Variants in LEUTX observed in about 807,000 individuals in gnomAD.
The protein encoded by LEUTX is leucine twenty homeobox.
LEUTX carries 5 observed loss-of-function variants against 4.5 expected under a neutral mutation model. The ratio of observed to expected loss-of-function variants is 1.11; its 90% CI spans 0.58 to 2.34. LEUTX has a LOEUF of 2.34. Ranked by LOEUF, LEUTX falls within the 30% of genes most tolerant of loss-of-function variation. The pLI, the probability that LEUTX is intolerant of heterozygous loss-of-function variation, is 0.01. For missense variants in LEUTX, 233 were observed against 239.4 expected, an observed-to-expected ratio of 0.97 and a Z score of 0.18; for synonymous variants, 89 against 85.1, an observed-to-expected ratio of 1.05 and a Z score of -0.25.
intron 2 of LEUTX, among the ~76,000 whole-genome samples, chr19:39,785,119 C>G (rs1967946061): frequency 6.6e-6 from 1 of 152,160 alleles, no homozygotes; most frequent in Admixed American, 6.5e-5. Flanking sequence ...AAGCTAAACT[C>G]TCACCCCATA....
intron 2 of LEUTX, 94 bp from the exon 3 acceptor site, chr19:39,785,600 ACTCT>A (rs1281436732): frequency 1.4e-5 from 12 of 839,864 alleles, no homozygotes; most frequent in Non-Finnish European, 2.2e-5. Context: ...TAAATGTGAG[ACTCT>A]CTCTCACACC....
upstream of LEUTX, among the ~76,000 whole-genome samples, chr19:39,778,614 C>T (rs946962422): frequency 3.3e-5 from 5 of 150,258 alleles, no homozygotes; most frequent in Admixed American, 6.6e-5. Context: ...ATTTTCAGTT[C>T]GCTCCACTTT....
At chr19:39,778,182 CAG>C (rs1967827571), upstream of LEUTX, among the ~76,000 whole-genome samples, 1 of 152,132 alleles carries the variant, frequency 6.6e-6, no homozygotes, top group East Asian at 1.9e-4. Flanking sequence ...AAATGAGTAA[CAG>C]AGGGACAGAG....
chr19:39,782,444 T>C (rs914695460), intron 1 of LEUTX, among the ~76,000 whole-genome samples: 1 of 152,142 alleles, frequency 6.6e-6, no homozygotes, highest in Non-Finnish European at 1.5e-5. Context: ...GTGGCTTTGC[T>C]CCTCCTTGCT....
At chr19:39,777,097 A>G (rs544360993), upstream of LEUTX, among the ~76,000 whole-genome samples, 1 of 152,140 alleles carries the variant, frequency 6.6e-6, no homozygotes, top group South Asian at 2.1e-4. Flanking sequence ...AAGGTTTTTC[A>G]TGTCTCTGGG....
chr19:39,779,878 G>C (rs1052123404), intron 1 of LEUTX, among the ~76,000 whole-genome samples: 1 of 152,110 alleles, frequency 6.6e-6, no homozygotes, highest in South Asian at 2.1e-4. Context: ...GCCAGGCATG[G>C]TGGCATGTGC....
At chr19:39,777,978 G>A (rs538759224), upstream of LEUTX, among the ~76,000 whole-genome samples, 3 of 152,232 alleles carry the variant, frequency 2.0e-5, no homozygotes, top group African/African-American at 7.2e-5. Context: ...AGTATAAGAT[G>A]GGCCAAGACC....
At chr19:39,776,565 A>C (rs1568513471), upstream of LEUTX, 2 of 455,988 alleles carry the variant, frequency 4.4e-6, no homozygotes, top group Non-Finnish European at 8.8e-6. Flanking sequence ...GGTGTGCTCC[A>C]AACAAATGCA....
chr19:39,783,879 A>G (rs770357080), intron 1 of LEUTX, among the ~76,000 whole-genome samples: 2 of 152,114 alleles, frequency 1.3e-5, no homozygotes, highest in South Asian at 2.1e-4. Flanking sequence ...CAGATTCTGG[A>G]TATTAGTCAT....
intron 2 of LEUTX, among the ~76,000 whole-genome samples, chr19:39,785,275 A>C (rs1967949049): frequency 6.6e-6 from 1 of 152,124 alleles, no homozygotes; most frequent in Non-Finnish European, 1.5e-5. Context: ...GTCTTTACAA[A>C]CAAAAATTAA....
chr19:39,777,084 G>A (rs1269673900), upstream of LEUTX, among the ~76,000 whole-genome samples: 3 of 152,172 alleles, frequency 2.0e-5, no homozygotes, highest in East Asian at 5.8e-4. Context: ...CCTCAGACAT[G>A]AAAAGGTTTT....
At chr19:39,784,003 T>C (rs1967926122) in intron 1 of LEUTX, among the ~76,000 whole-genome samples, 1 of 152,182 alleles carries the variant, frequency 6.6e-6, no homozygotes, top group African/African-American at 2.4e-5. Flanking sequence ...TAGCTATTTA[T>C]CTTTGTTTTT....
At chr19:39,779,664 T>A (rs375253317) in intron 1 of LEUTX, among the ~76,000 whole-genome samples, 59 of 152,352 alleles carry the variant, frequency 3.9e-4, no homozygotes, top group Middle Eastern at 3.4e-3. Flanking sequence ...AAAGTTGTCA[T>A]TGTGATATTT....
At chr19:39,782,160 A>C (rs535027069) in intron 1 of LEUTX, among the ~76,000 whole-genome samples, 6 of 152,170 alleles carry the variant, frequency 3.9e-5, no homozygotes, top group Non-Finnish European at 7.3e-5. Context: ...TACTCTTATG[A>C]ATCTTATAGA....
chr19:39,781,231 C>G (rs180914636), intron 1 of LEUTX, among the ~76,000 whole-genome samples: 1 of 152,072 alleles, frequency 6.6e-6, no homozygotes, highest in Non-Finnish European at 1.5e-5. Flanking sequence ...CCCATGTGCC[C>G]GATCACTTGT....
intron 1 of LEUTX, among the ~76,000 whole-genome samples, chr19:39,783,726 ATTTGTGATG>A (rs74178098): frequency 0.11 from 15,965 of 151,558 alleles, 1,148 homozygotes; most frequent in Middle Eastern, 0.15. Flanking sequence ...TTCCCTAATC[ATTTGTGATG>A]TTGAGCATTT....
intron 1 of LEUTX, 39 bp from the exon 2 acceptor site, chr19:39,784,488 A>T (rs1568515521): frequency 5.4e-6 from 4 of 744,320 alleles, no homozygotes; most frequent in South Asian, 4.4e-5. Flanking sequence ...TTCCTTCCGA[A>T]TTTTTTTAAT....
At chr19:39,783,836 GT>G (rs1599618041) in intron 1 of LEUTX, among the ~76,000 whole-genome samples, 1 of 151,760 alleles carries the variant, frequency 6.6e-6, no homozygotes, top group East Asian at 1.9e-4. Flanking sequence ...GAATTGTTTG[GT>G]TTTTTTCTTG....
rs117228099 is a variant in LEUTX, at chr19:39,784,670, G to T, written c.151G>T (p.Val51Leu). The T allele has an allele frequency of 2.3e-5, 36 of 1,551,254 alleles. No individual in the cohort carries two copies. The highest frequency in any genetic ancestry group is 3.1e-5 in the Non-Finnish European group (35 of 1,146,744). ...TTCAAAGCTACAACTTGATCTATCC[G>T]TAGTAAAGGTCTGTTCCCAAGTGTG... is the stretch of plus-strand genomic sequence containing the variant. ...LASKLQLDLS[V>L]VKIWFKNQRA... Residue 51 changes from valine (V) to leucine (L), a missense_variant, in exon 2 of 3, where the codon GTA (valine) becomes TTA (leucine). By Grantham distance (32) the Val-to-Leu change is conservative (BLOSUM62 1). Coordinates refer to ENST00000638280, the MANE Select transcript of LEUTX (RefSeq NM_001382345.1).
Sources: allele counts gnomAD v4.1 joint callset (sites outside exome capture counted in the v4.1 genomes callset), GRCh38; gene constraint gnomAD v4.1.1; transcripts MANE v1.5; gene names NCBI Gene and HGNC (gene_info 2026-07-23, HGNC 2026-07-21).